The following BRD2 variants were observed in gnomAD, a reference collection of about 807,000 sequenced individuals.
BRD2 encodes the protein bromodomain containing 2, also known as bromodomain-containing protein 2.
Under a neutral mutation model 79.1 loss-of-function variants are expected in BRD2, and 15 were observed. The ratio of observed to expected loss-of-function variants is 0.19; its 90% CI spans 0.13 to 0.29. The LOEUF (loss-of-function observed/expected upper bound fraction) is 0.29. Ranked by LOEUF, BRD2 falls within the 10% of genes least tolerant of loss-of-function variation. The pLI, the probability that BRD2 is intolerant of heterozygous loss-of-function variation, is 1.00. For synonymous variants in BRD2, 488 were observed against 358.6 expected (o/e 1.36, Z -4.08); for missense variants, 1,053 against 991.3 (o/e 1.06, Z -0.84).
In BRD2 at chr6:32,977,791, A is replaced by C; in HGVS notation, c.1364A>C (p.Asp455Ala). ...GAGTTCCGTTATGCCAAGATGCCAG[A>C]TGAACCACTAGAACCAGGGCCTTTA... ...VFEFRYAKMP[D>A]EPLEPGPLPV... The change falls in exon 9 of 13, where the codon GAT (aspartate) becomes GCT (alanine). Residue 455 changes from aspartate to alanine, a missense_variant. Around this residue, in one of 5 missense-constraint regions of BRD2, gnomAD observed 454 missense variants for 430.5 expected, o/e 1.05. Coordinates refer to ENST00000374825, the MANE Select transcript of BRD2 (RefSeq NM_005104.4). 3 of 1,613,136 alleles carry C rather than the reference A, an allele frequency of 1.9e-6. No homozygotes were observed. The highest frequency in any genetic ancestry group is 2.5e-6 in the Non-Finnish European group (3 of 1,180,048).
Position 32,977,899 on chromosome 6 carries a change from CTGAGGAAGAGGA to C in BRD2, c.1473_1484del (p.Glu494_Glu497del), listed in dbSNP as rs766903954. ...GAGGAAAGTAGCAGTGAGAGCTCCT[CTGAGGAAGAGGA>C]GGAGGAAGATGAGGAGGACGAGGAG... On this transcript the variant is annotated inframe_deletion, in exon 9 of 13. Transcript: ENST00000374825. The C allele has an allele frequency of 2.5e-6, 4 of 1,612,962 alleles. No homozygotes were observed. The highest frequency in any genetic ancestry group is 1.7e-5 in the Admixed American group (1 of 60,006).
chr6:32,980,808 A>T lies in BRD2; in HGVS notation c.*90A>T. The T allele has an allele frequency of 6.7e-7, 1 of 1,489,600 alleles. No homozygotes were observed. The highest frequency in any genetic ancestry group is 1.2e-5 in the South Asian group (1 of 86,384). 92.3% of individuals were successfully genotyped at this position (1,489,600 alleles called of 1,614,324 possible). On this transcript the variant is annotated 3_prime_UTR_variant, in exon 13 of 13. Transcript: ENST00000374825. ...CTGCCCCTTCCCCCTTTGCTGTGAC[A>T]CTTCTTCATCTCACCCCCCCCCGCC...
chr6:32,973,819 C>T (rs1277697936), intron 2 of BRD2, among the ~76,000 whole-genome samples: 1 of 151,578 alleles, frequency 6.6e-6, no homozygotes, highest in Non-Finnish European at 1.5e-5. Context: ...TTTTGAGGGC[C>T]TGGAAGTTAC....
chr6:32,974,566 G>A lies in BRD2; in HGVS notation c.134G>A (p.Ser45Asn). 6.2e-7 allele frequency: 1 copy of A among 1,614,222 alleles called. No individual in the cohort carries two copies. Among genetic ancestry groups the A allele is most frequent in the Non-Finnish European group, 8.5e-7 (1 of 1,180,034 alleles). The change falls in exon 3 of 13, where the codon AGC becomes AAC. Residue 45 changes from serine (S) to asparagine (N), a missense_variant. Ser to Asn is a conservative substitution (Grantham distance 46, BLOSUM62 1). This residue lies in a region of BRD2 where 413 missense variants were observed against 335.1 expected (regional missense o/e 1.23). Transcript: ENST00000374825. ...KPSLLYEGFE[S>N]PTMASVPALQ... ...TCTCTCTTGTATGAGGGCTTTGAGA[G>A]CCCCACAATGGCTTCGGTGCCTGCT...
rs1778110949 is a variant in BRD2 at position 32,972,279 on chromosome 6, G to A, written c.-620G>A. 2.4e-6 allele frequency: 1 copy of A among 424,848 alleles called. No individual in the cohort carries two copies. Among genetic ancestry groups the A allele is most frequent in the Non-Finnish European group, 4.4e-6 (1 of 225,806 alleles). The allele number at this position is 424,848 out of a possible 1,614,324, so 26.3% of individuals were successfully genotyped here. ...CGATACAGAGCCTTCGAGTCGTCCGGGGCCGCCATTACAATCCACCTCCAT... is the reference window on the plus strand; with the variant it reads ...CGATACAGAGCCTTCGAGTCGTCCGAGGCCGCCATTACAATCCACCTCCAT... On this transcript the variant is annotated 5_prime_UTR_variant, in exon 2 of 13. Transcript: ENST00000374825.
At position 32,972,946 on chromosome 6, in the gene BRD2, C is replaced by A; in HGVS notation, c.29+19C>A. 6.2e-7 allele frequency: 1 copy of A among 1,613,974 alleles called. No homozygotes were observed. Among genetic ancestry groups the A allele is most frequent in the Non-Finnish European group, 8.5e-7 (1 of 1,179,944 alleles). ...ACAATAAGTACGTTTCCGCGAGCCG[C>A]GTGTGGGAAGGGGATGTTGCAGGGC... On this transcript the variant is annotated intron_variant, in intron 2 of 12. Transcript: ENST00000374825.
At chr6:32,974,094 T>C (rs1778393116) in intron 2 of BRD2, among the ~76,000 whole-genome samples, 1 of 152,126 alleles carries the variant, frequency 6.6e-6, no homozygotes, top group South Asian at 2.1e-4. Context: ...AGGAGGAAGC[T>C]TGGGGTTTGA....
chr6:32,973,817 G>T (rs1340975748), intron 2 of BRD2, among the ~76,000 whole-genome samples: 7 of 151,704 alleles, frequency 4.6e-5, no homozygotes, highest in Non-Finnish European at 1.0e-4. Flanking sequence ...AATTTTGAGG[G>T]CCTGGAAGTT....
At chr6:32,978,586 G>A (rs1427068243) in intron 10 of BRD2, 198 bp downstream of exon 10, 1 of 848,146 alleles carries the variant, frequency 1.2e-6, no homozygotes, top group Non-Finnish European at 1.8e-6. Flanking sequence ...TGAGGGGATG[G>A]TTTTTGGGAT....
chr6:32,974,662 A>G lies in BRD2; in HGVS notation c.230A>G (p.Asn77Ser), dbSNP rs368792346. The G allele has an allele frequency of 8.5e-5, 137 of 1,614,070 alleles. No homozygotes were observed. Among genetic ancestry groups the G allele is most frequent in the African/African-American group, 5.5e-4 (41 of 74,910 alleles). ...SNPKKPGRVT[N>S]QLQYLHKVVM... Reference sequence around the variant, plus strand: ...CCCAAAAAGCCAGGACGAGTTACCAACCAGCTGCAATACCTACACAAGGTA... The same window carrying G: ...CCCAAAAAGCCAGGACGAGTTACCAGCCAGCTGCAATACCTACACAAGGTA... The change falls in exon 3 of 13, where the codon AAC becomes AGC. Residue 77 changes from asparagine (N) to serine (S), a missense_variant. By Grantham distance (46) the Asn-to-Ser change is conservative. Transcript: ENST00000374825.
At chr6:32,969,569 T>C (rs1315038925) in intron 1 of BRD2, among the ~76,000 whole-genome samples, 1 of 152,168 alleles carries the variant, frequency 6.6e-6, no homozygotes, top group Non-Finnish European at 1.5e-5. Flanking sequence ...GGAGCTCCAG[T>C]CGTCACACCG....
Position 32,977,799 on chromosome 6 carries a change from C to G in BRD2, c.1372C>G (p.Leu458Val). 6.2e-7 allele frequency: 1 copy of G among 1,613,110 alleles called. No homozygotes were observed. The highest frequency in any genetic ancestry group is 8.5e-7 in the Non-Finnish European group (1 of 1,180,050). The change falls in exon 9 of 13, where the codon CTA (leucine) becomes GTA (valine). Residue 458 changes from leucine to valine, a missense_variant. Leu to Val is a conservative substitution (Grantham distance 32). Around this residue, in one of 5 missense-constraint regions of BRD2, gnomAD observed 454 missense variants for 430.5 expected, o/e 1.05. Coordinates refer to ENST00000374825, the MANE Select transcript of BRD2 (RefSeq NM_005104.4). ...FRYAKMPDEP[L>V]EPGPLPVSTA... ...TTATGCCAAGATGCCAGATGAACCA[C>G]TAGAACCAGGGCCTTTACCAGTCTC... is the stretch of plus-strand genomic sequence containing the variant.
intron 2 of BRD2, 98 bp from the exon 3 acceptor site, chr6:32,974,364 C>G (rs887676629): frequency 8.0e-5 from 103 of 1,287,764 alleles, no homozygotes; most frequent in Non-Finnish European, 9.7e-5. Flanking sequence ...GCTTAACCAC[C>G]TCACTAGGGC....
Position 32,980,983 on chromosome 6 carries a change from G to T in BRD2, c.*265G>T. The T allele has an allele frequency of 2.0e-6, 1 of 498,282 alleles. No homozygotes were observed. 30.9% of individuals were successfully genotyped at this position (498,282 alleles called of 1,614,324 possible). On this transcript the variant is annotated 3_prime_UTR_variant, in exon 13 of 13. Transcript: ENST00000374825. ...CCCCATTCAAAATGGGGCAGGGCAA[G>T]GGTGGGAGTGTGCAAAGCCCTGATC...
rs1779312463 is a variant in BRD2 at position 32,979,979 on chromosome 6, G to C, written c.1993G>C (p.Val665Leu). 6.2e-7 allele frequency: 1 copy of C among 1,613,078 alleles called. No individual in the cohort carries two copies. ...NKLPGEKLGR[V>L]VHIIQAREPS... ...ATTACCTGGGGAGAAGCTGGGCCGA[G>C]TTGTGCATATAATCCAAGCCAGGGA... is the stretch of plus-strand genomic sequence containing the variant. Residue 665 changes from valine to leucine, a missense_variant, in exon 11 of 13, where the codon GTT (valine) becomes CTT (leucine). Val to Leu is a conservative substitution (Grantham distance 32). Transcript: ENST00000374825.
rs1456258628 is a variant in BRD2 at position 32,972,024 on chromosome 6, G to T, written c.-875G>T. ...ACGTCATCGTTGCGGCTGGCCAATA[G>T]AAAAAGCTCCCGCGGAGAGGTGTTC... On this transcript the variant is annotated 5_prime_UTR_variant, in exon 2 of 13. Coordinates refer to ENST00000374825, the MANE Select transcript of BRD2 (RefSeq NM_005104.4). 1.4e-6 allele frequency: 1 copy of T among 702,168 alleles called. No individual in the cohort carries two copies. Among genetic ancestry groups the T allele is most frequent in the Non-Finnish European group, 2.6e-6 (1 of 384,844 alleles). The allele number at this position is 702,168 out of a possible 1,614,324, so 43.5% of individuals were successfully genotyped here.
Position 32,972,821 on chromosome 6 carries a change from C to G in BRD2, c.-78C>G. 1 of 1,606,858 alleles carries G rather than the reference C, an allele frequency of 6.2e-7. No individual in the cohort carries two copies. Among genetic ancestry groups the G allele is most frequent in the African/African-American group, 1.3e-5 (1 of 74,998 alleles). ...CCTCCCCCCAACTTAGCGGGTTATG[C>G]TGGACCGGGCGGTGAGGGGAACCGA... On this transcript the variant is annotated 5_prime_UTR_variant, in exon 2 of 13. Transcript: ENST00000374825.
At chr6:32,975,894 CT>C (rs1214693332) in intron 4 of BRD2, 136 bp from the exon 5 acceptor site, 1 of 1,085,650 alleles carries the variant, frequency 9.2e-7, no homozygotes, top group Non-Finnish European at 1.3e-6. Flanking sequence ...AGGAAATTTT[CT>C]TTAAGATTTG....
chr6:32,977,725 C>T, intron 8 of BRD2, 32 bp from the exon 9 acceptor site: 1 of 1,611,896 alleles, frequency 6.2e-7, no homozygotes, highest in East Asian at 2.2e-5. Context: ...CACTGTTTAT[C>T]AGCATAGTTT....
Sources: allele counts gnomAD v4.1 joint callset (sites outside exome capture counted in the v4.1 genomes callset), GRCh38; gene constraint gnomAD v4.1.1; regional missense constraint gnomAD v4.1.1; transcripts MANE v1.5; gene names NCBI Gene and HGNC (gene_info 2026-07-23, HGNC 2026-07-21).